LVRN: variants seen among roughly 807,000 people sequenced by gnomAD.
LVRN encodes laeverin.
Under a neutral mutation model 111.4 loss-of-function variants are expected in LVRN, and 99 were observed. The observed-to-expected ratio is 0.89, with a 90% CI of 0.76 to 1.05. The LOEUF (loss-of-function observed/expected upper bound fraction) is 1.05, where lower values mean the gene tolerates loss of function less well. Among genes scored for constraint, LVRN ranks in the 50% least tolerant of loss-of-function variants. The probability of loss-of-function intolerance (pLI) is 0.00; values close to 1 mark genes in which losing one functional copy is unlikely to be tolerated. For missense variants in LVRN, 1,414 were observed against 1,206.8 expected, an observed-to-expected ratio of 1.17 and a Z score of -2.54; for synonymous variants, 488 against 449.5, an observed-to-expected ratio of 1.09 and a Z score of -1.08.
intron 14 of LVRN, among the ~76,000 whole-genome samples, chr5:116,011,317 G>A (rs1177701252): frequency 6.6e-6 from 1 of 151,808 alleles, no homozygotes; most frequent in African/African-American, 2.4e-5. Flanking sequence ...CATAGGAACA[G>A]CACTTAAATC....
At chr5:115,985,923 A>G (rs1343059615) in intron 3 of LVRN, among the ~76,000 whole-genome samples, 1 of 152,204 alleles carries the variant, frequency 6.6e-6, no homozygotes, top group Non-Finnish European at 1.5e-5. Context: ...CCTGGGCCCA[A>G]GGGGCCCAAG....
rs778346698 is a variant in LVRN, at chr5:116,015,756, T to A, written c.2747T>A (p.Val916Glu). The change falls in exon 18 of 20, where the codon GTG becomes GAG. Residue 916 changes from valine (V) to glutamate (E), a missense_variant. Val to Glu is a moderately radical substitution (Grantham distance 121). Coordinates refer to ENST00000357872, the MANE Select transcript of LVRN (RefSeq NM_173800.5). ...TTCTTAGTCAACAACTGGCAAGCTG[T>A]GAGTAAAAGGTAAGAAGGAAAGTGA... ...KDFLVNNWQA[V>E]SKRYGTQSLI... The A allele has an allele frequency of 6.2e-6, 10 of 1,613,102 alleles. No homozygotes were observed. The highest frequency in any genetic ancestry group is 7.6e-6 in the Non-Finnish European group (9 of 1,179,524).
At chr5:115,988,035 C>T in intron 4 of LVRN, 96 bp downstream of exon 4, 1 of 1,466,644 alleles carries the variant, frequency 6.8e-7, no homozygotes, top group Non-Finnish European at 9.2e-7. Flanking sequence ...TAAGGATTCA[C>T]CATCACCATT....
chr5:116,014,439 T>C lies in LVRN; in HGVS notation c.2362T>C (p.Phe788Leu). 1 of 1,612,024 alleles carries C rather than the reference T, an allele frequency of 6.2e-7. No homozygotes were observed. The highest frequency in any genetic ancestry group is 1.1e-5 in the South Asian group (1 of 90,696). Residue 788 changes from phenylalanine to leucine, a missense_variant, in exon 16 of 20, where the codon TTT (phenylalanine) becomes CTT (leucine). Coordinates refer to ENST00000357872, the MANE Select transcript of LVRN (RefSeq NM_173800.5). ...YLALISLEKL[F>L]VTACWLGLED... ...TTCAAGAATATCACTGGAAAAACTT[T>C]TTGTAACTGCGTGTTGGTTGGGCCT...
chr5:115,971,761 A>G (rs532209411), intron 1 of LVRN, among the ~76,000 whole-genome samples: 21 of 152,236 alleles, frequency 1.4e-4, no homozygotes, highest in Admixed American at 4.6e-4. Flanking sequence ...TTCATCTACC[A>G]ACTTTTTTCC....
At chr5:115,982,089 C>T (rs1490809330) in intron 1 of LVRN, among the ~76,000 whole-genome samples, 1 of 152,092 alleles carries the variant, frequency 6.6e-6, no homozygotes, top group African/African-American at 2.4e-5. Flanking sequence ...CAGTCTATGC[C>T]AGTAAGCATA....
rs529465085 is a variant in LVRN, at chr5:116,026,907, G to A, written c.*789G>A. 3.9e-5 allele frequency: 6 copies of A among 152,332 alleles called. No individual in the cohort carries two copies. Among genetic ancestry groups the A allele is most frequent in the African/African-American group, 1.4e-4 (6 of 41,564 alleles). 9.4% of individuals were successfully genotyped at this position (152,332 alleles called of 1,614,324 possible). ...GGATGGACACCCTTTCAGCCTAAGC[G>A]TACGAGTGAAAACAATGATGTCAAA... On this transcript the variant is annotated 3_prime_UTR_variant, in exon 20 of 20. Transcript: ENST00000357872.
At chr5:115,970,908 TG>T (rs1753311176) in intron 1 of LVRN, among the ~76,000 whole-genome samples, 1 of 152,206 alleles carries the variant, frequency 6.6e-6, no homozygotes, top group South Asian at 2.1e-4. Context: ...TTAGATCATA[TG>T]AATATTTAGT....
intron 1 of LVRN, among the ~76,000 whole-genome samples, chr5:115,965,222 G>A (rs141324763): frequency 0.018 from 2,773 of 152,230 alleles, 36 homozygotes; most frequent in Non-Finnish European, 0.029. Flanking sequence ...TTATCTAAAC[G>A]CAGAACCTGC....
At position 115,977,126 on chromosome 5, in the gene LVRN, C is replaced by CA. The variant is rs1427903296; in HGVS notation, c.696-6161_696-6160insA. On this transcript the variant is annotated intron_variant, in intron 1 of 19. Coordinates refer to ENST00000357872, the MANE Select transcript of LVRN (RefSeq NM_173800.5). ...TCTTTCCCCAGCAGCTTCTCTTTGC[C>CA]TGACCTCATGATGATTACTATTTGT... 3.3e-5 allele frequency among the ~76,000 whole-genome samples: 5 copies of CA among 152,298 alleles called. No individual in the cohort carries two copies. The East Asian group carries it at 7.7e-4, about 24-fold the overall frequency.
At position 116,002,848 on chromosome 5, in the gene LVRN, G is replaced by A. The variant is rs201104207; in HGVS notation, c.1834G>A (p.Val612Ile). Residue 612 changes from valine (V) to isoleucine (I), a missense_variant, in exon 11 of 20, where the codon GTC (valine) becomes ATC (isoleucine). Val to Ile is a conservative substitution (Grantham distance 29). Coordinates refer to ENST00000357872, the MANE Select transcript of LVRN (RefSeq NM_173800.5). ...TLLTSNDTWI[V>I]PILWIKNGTT... ...TCTTCCAATAAGTGACACATGGATT[G>A]TCCCTATTCTTTGGATAAAAAATGG... 5 of 1,608,146 alleles carry A rather than the reference G, an allele frequency of 3.1e-6. No homozygotes were observed. Among genetic ancestry groups the A allele is most frequent in the Non-Finnish European group, 4.3e-6 (5 of 1,175,494 alleles).
At chr5:116,006,031 C>A in intron 13 of LVRN, 64 bp downstream of exon 13, 1 of 1,303,538 alleles carries the variant, frequency 7.7e-7, no homozygotes, top group Non-Finnish European at 1.1e-6. Context: ...AAAATAATAG[C>A]TTCATCACTA....
chr5:116,010,678 A>T, intron 13 of LVRN, 63 bp from the exon 14 acceptor site: 1 of 1,518,388 alleles, frequency 6.6e-7, no homozygotes, highest in Non-Finnish European at 9.0e-7. Context: ...ACAAATATCG[A>T]ACGTATGCAA....
At position 115,962,771 on chromosome 5, in the gene LVRN, A is replaced by G. The variant is rs930452882; in HGVS notation, c.154A>G (p.Arg52Gly). The G allele has an allele frequency of 3.7e-6, 6 of 1,611,334 alleles. No individual in the cohort carries two copies. The highest frequency in any genetic ancestry group is 5.1e-6 in the Non-Finnish European group (6 of 1,178,906). Reference protein sequence around the residue: ...RVPPSELPGLRDLEAESSPPL... With the variant: ...RVPPSELPGLGDLEAESSPPL... ...CCCACCGTCGGAGCTGCCTGGACTC[A>G]GGGACTTGGAAGCCGAGTCTTCCCC... is the stretch of plus-strand genomic sequence containing the variant. Residue 52 changes from arginine to glycine, a missense_variant, in exon 1 of 20, where the codon AGG becomes GGG. Coordinates refer to ENST00000357872, the MANE Select transcript of LVRN (RefSeq NM_173800.5).
intron 10 of LVRN, 75 bp downstream of exon 10, chr5:116,001,314 G>C (rs1297877491): frequency 1.1e-5 from 16 of 1,512,260 alleles, no homozygotes; most frequent in Non-Finnish European, 1.4e-5. Flanking sequence ...CAGCCTGTGG[G>C]TGAAGAAGCG....
chr5:116,000,912 A>T (rs1748223731), intron 9 of LVRN, among the ~76,000 whole-genome samples, 155 bp from the exon 10 acceptor site: 1 of 152,206 alleles, frequency 6.6e-6, no homozygotes, highest in African/African-American at 2.4e-5. Context: ...ATTCATATAT[A>T]AACAGAGTTC....
intron 16 of LVRN, among the ~76,000 whole-genome samples, 153 bp downstream of exon 16, chr5:116,014,680 C>A (rs1748562870): frequency 6.6e-6 from 1 of 152,082 alleles, no homozygotes; most frequent in Non-Finnish European, 1.5e-5. Flanking sequence ...TTTTAAAAAA[C>A]CAGTGTTTAA....
chr5:116,005,456 C>A (rs1008788045), intron 12 of LVRN, among the ~76,000 whole-genome samples: 3 of 152,190 alleles, frequency 2.0e-5, no homozygotes, highest in Admixed American at 2.0e-4. Context: ...TTAGTAAAAT[C>A]TTAAGATAAA....
At chr5:115,967,670 C>T (rs924397539) in intron 1 of LVRN, among the ~76,000 whole-genome samples, 3 of 152,034 alleles carry the variant, frequency 2.0e-5, no homozygotes, top group African/African-American at 4.8e-5. Context: ...CTATGTTAAA[C>T]CTTTATGTAA....
Sources: allele counts gnomAD v4.1 joint callset (sites outside exome capture counted in the v4.1 genomes callset), GRCh38; gene constraint gnomAD v4.1.1; transcripts MANE v1.5; gene names NCBI Gene and HGNC (gene_info 2026-07-23, HGNC 2026-07-21).